The following TUBD1 variants were observed in gnomAD, a reference collection of about 807,000 sequenced individuals.
TUBD1 encodes tubulin delta 1.
Under a neutral mutation model 51.2 loss-of-function variants are expected in TUBD1, and 38 were observed. That is an observed-to-expected ratio of 0.74 (90% CI 0.57 to 0.97). The LOEUF (loss-of-function observed/expected upper bound fraction) is 0.97. Among genes scored for constraint, TUBD1 ranks in the 50% least tolerant of loss-of-function variants. The pLI, the probability that TUBD1 is intolerant of heterozygous loss-of-function variation, is 0.00. For synonymous variants in TUBD1, 169 were observed against 178.2 expected, an observed-to-expected ratio of 0.95 and a Z score of 0.41; for missense variants, 489 against 538.4, an observed-to-expected ratio of 0.91 and a Z score of 0.91.
intron 3 of TUBD1, among the ~76,000 whole-genome samples, chr17:59,881,458 G>A (rs1043539669): frequency 1.1e-4 from 17 of 152,202 alleles, no homozygotes; most frequent in African/African-American, 4.1e-4. Context: ...ACTGCTAGCA[G>A]AGGGAATTTA....
rs758154110 is a variant in TUBD1, at chr17:59,874,621, T to C, written c.852A>G (p.Ser284=). Residue 284 remains serine (S), a synonymous_variant, in exon 6 of 9, where the codon TCA becomes TCG. Coordinates refer to ENST00000325752, the MANE Select transcript of TUBD1 (RefSeq NM_016261.4). ...CCCAAGTAAATGTGGTGTATGCCAA[T>C]GAATTCTCAGACATGTGAGGAATGT... The part of the protein sequence containing the change: ...VRNIPHMSEN[S]LAYTTFTWAG... 3.1e-6 allele frequency: 5 copies of C among 1,613,726 alleles called. No homozygotes were observed. The Admixed American group carries it at 5.0e-5, about 16-fold the overall frequency.
intron 4 of TUBD1, 26 bp downstream of exon 4, chr17:59,880,868 A>C: frequency 6.3e-7 from 1 of 1,588,254 alleles, no homozygotes; most frequent in Non-Finnish European, 8.6e-7. Flanking sequence ...CATAAAACAT[A>C]AACTTTTCAA....
chr17:59,878,003 T>G, intron 5 of TUBD1, 100 bp downstream of exon 5: 1 of 900,372 alleles, frequency 1.1e-6, no homozygotes, highest in Non-Finnish European at 1.7e-6. Flanking sequence ...TGAGCAAGAC[T>G]TAAGTGTATC....
At chr17:59,887,016 C>A (rs2040767569) in intron 2 of TUBD1, among the ~76,000 whole-genome samples, 1 of 151,564 alleles carries the variant, frequency 6.6e-6, no homozygotes, top group African/African-American at 2.4e-5. Context: ...GAAAACCCAT[C>A]TCTACTAAAA....
chr17:59,868,037 C>T (rs563397593), intron 6 of TUBD1, among the ~76,000 whole-genome samples: 162 of 131,720 alleles, frequency 1.2e-3, no homozygotes, highest in Non-Finnish European at 2.2e-3. Context: ...CTGAGGCAGG[C>T]GGATCACTTG....
chr17:59,882,265 C>T (rs1245558431), intron 3 of TUBD1, among the ~76,000 whole-genome samples: 1 of 151,886 alleles, frequency 6.6e-6, no homozygotes. Context: ...CTATTTTCTC[C>T]TTTTTTATTT....
At position 59,890,985 on chromosome 17, in the gene TUBD1, C is replaced by T; in HGVS notation, c.18G>A (p.Val6=). 6.2e-7 allele frequency: 1 copy of T among 1,612,060 alleles called. No homozygotes were observed. Among genetic ancestry groups the T allele is most frequent in the Non-Finnish European group, 8.5e-7 (1 of 1,179,522 alleles). MSIVT[V]QLGQCGNQIG... ...TCTGATTGCCACACTGACCAAGTTG[C>T]ACTGTTACAATTGACATGCTGAGCC... The change falls in exon 2 of 9, where the codon GTG becomes GTA. Residue 6 remains valine, a synonymous_variant. Coordinates refer to ENST00000325752, the MANE Select transcript of TUBD1 (RefSeq NM_016261.4).
intron 2 of TUBD1, 121 bp downstream of exon 2, chr17:59,890,709 CA>C (rs2040959790): frequency 3.6e-6 from 3 of 839,166 alleles, no homozygotes; most frequent in Non-Finnish European, 3.5e-6. Context: ...AAATGAAAAG[CA>C]AAAACAAAGT....
chr17:59,881,378 G>A (rs920926463), intron 3 of TUBD1, among the ~76,000 whole-genome samples: 3 of 152,142 alleles, frequency 2.0e-5, no homozygotes, highest in African/African-American at 4.8e-5. Context: ...TGCTAAGGTC[G>A]GATTTTTCAC....
At chr17:59,881,223 G>A in intron 3 of TUBD1, 113 bp from the exon 4 acceptor site, 2 of 855,106 alleles carry the variant, frequency 2.3e-6, no homozygotes, top group South Asian at 1.7e-5. Context: ...CGGAAGTGAA[G>A]GAACTCTCAT....
At chr17:59,876,389 C>G (rs898526929) in intron 5 of TUBD1, among the ~76,000 whole-genome samples, 1 of 146,080 alleles carries the variant, frequency 6.8e-6, no homozygotes, top group African/African-American at 2.6e-5. Flanking sequence ...GAGTTTCGCT[C>G]TTATTGCTCA....
At chr17:59,867,025 C>T (rs944648155) in intron 6 of TUBD1, among the ~76,000 whole-genome samples, 1 of 152,104 alleles carries the variant, frequency 6.6e-6, no homozygotes, top group African/African-American at 2.4e-5. Context: ...GAACTCCTGA[C>T]CTCGAATGAT....
intron 3 of TUBD1, among the ~76,000 whole-genome samples, chr17:59,881,376 T>C (rs1201047102): frequency 6.6e-6 from 1 of 152,202 alleles, no homozygotes; most frequent in Non-Finnish European, 1.5e-5. Context: ...ATTGCTAAGG[T>C]CGGATTTTTC....
chr17:59,883,936 C>A (rs984354830), intron 3 of TUBD1, among the ~76,000 whole-genome samples: 2 of 152,004 alleles, frequency 1.3e-5, no homozygotes, highest in Non-Finnish European at 2.9e-5. Flanking sequence ...ATTTAATATT[C>A]CTAACAGTCC....
chr17:59,881,554 G>A (rs1451673271), intron 3 of TUBD1, among the ~76,000 whole-genome samples: 1 of 152,058 alleles, frequency 6.6e-6, no homozygotes, highest in Admixed American at 6.6e-5. Flanking sequence ...TTATTTTGGG[G>A]GTACATGTGA....
chr17:59,872,204 C>T (rs375484945), intron 6 of TUBD1, among the ~76,000 whole-genome samples: 97 of 152,202 alleles, frequency 6.4e-4, no homozygotes, highest in African/African-American at 2.1e-3. Flanking sequence ...TTGTCCGCCT[C>T]GGCCTCCCAA....
chr17:59,881,289 T>C (rs912150329), intron 3 of TUBD1, 179 bp from the exon 4 acceptor site: 1 of 592,634 alleles, frequency 1.7e-6, no homozygotes, highest in African/African-American at 1.9e-5. Flanking sequence ...TGAATATATT[T>C]AACCCACTTA....
rs1012645334 is a variant in TUBD1, at chr17:59,866,830, C to T, written c.935-81G>A. On this transcript the variant is annotated intron_variant, in intron 6 of 8. Transcript: ENST00000325752. ...ATGGAGTCTCACTCTGTTGCCCAGG[C>T]TGGAGTGCAGTGGCATGATCTTGGC... 5 of 1,251,546 alleles carry T rather than the reference C, an allele frequency of 4.0e-6. No individual in the cohort carries two copies. In the South Asian group the frequency reaches 7.4e-5, roughly 19 times the overall value. The allele number at this position is 1,251,546 out of a possible 1,614,324, so 77.5% of individuals were successfully genotyped here.
At position 59,878,106 on chromosome 17, in the gene TUBD1, G is replaced by C. The variant is rs768306350; in HGVS notation, c.766C>G (p.Leu256Val). The C allele has an allele frequency of 6.2e-7, 1 of 1,612,556 alleles. No individual in the cohort carries two copies. Among genetic ancestry groups the C allele is most frequent in the Non-Finnish European group, 8.5e-7 (1 of 1,178,732 alleles). The change falls in exon 5 of 9, where the codon CTA (leucine) becomes GTA (valine). Residue 256 changes from leucine to valine, a missense_variant. Transcript: ENST00000325752. ...ESSFHYRRNP[L>V]GDLMEHLVPH... ...TAACGTATAGAGGGACAAATACCTA[G>C]TGGATTTCGTCTGTAGTGAAATGAG...
Sources: gnomAD v4.1 joint callset for allele counts (sites outside exome capture counted in the v4.1 genomes callset) on GRCh38, gnomAD v4.1.1 for gene constraint, MANE v1.5 for transcripts, NCBI Gene and HGNC (gene_info 2026-07-23, HGNC 2026-07-21) for gene names.